The following RBFOX3 variants were observed in gnomAD, a reference collection of about 807,000 sequenced individuals.
RBFOX3 encodes the protein RNA binding fox-1 homolog 3.
A neutral mutation model predicts 48.7 loss-of-function variants in RBFOX3; 17 were observed. The observed-to-expected ratio is 0.35, with a 90% confidence interval of 0.24 to 0.52. The LOEUF is 0.52. Among genes scored for constraint, RBFOX3 ranks in the 20% least tolerant of loss-of-function variants. The pLI is 0.94. For missense variants in RBFOX3, 382 were observed against 497.5 expected (o/e 0.77, Z 2.21); for synonymous variants, 212 against 209.5 (o/e 1.01, Z -0.10).
the RBFOX3 span, among the ~76,000 whole-genome samples, chr17:79,646,054 C>T: frequency 5.9e-5 from 9 of 152,222 alleles, no homozygotes; most frequent in Non-Finnish European, 1.5e-5. Context: ...GGCCTCTCCC[C>T]CTCCACCCTT....
chr17:79,294,544 T>C (rs991496033), intron 3 of RBFOX3, among the ~76,000 whole-genome samples: 1 of 152,104 alleles, frequency 6.6e-6, no homozygotes, highest in Non-Finnish European at 1.5e-5. Context: ...ACTCCTGACC[T>C]CAAATGACCT....
rs549497699 is a variant in RBFOX3 at position 79,133,819 on chromosome 17, G to A, written c.-33-18071C>T. Among the ~76,000 whole-genome samples, 31 of 152,286 alleles carry A rather than the reference G, an allele frequency of 2.0e-4. 1 individual carries two copies. Among genetic ancestry groups the A allele is most frequent in the Middle Eastern group, 3.4e-3 (1 of 294 alleles). ...CCTCCCAGGGCCTTGTGAGGACAACGCAACAGGTCAGCTGTCAAGTGACCC... is the reference window on the plus strand; with the variant it reads ...CCTCCCAGGGCCTTGTGAGGACAACACAACAGGTCAGCTGTCAAGTGACCC... On this transcript the variant is annotated intron_variant, in intron 4 of 14. Coordinates refer to ENST00000693108, the MANE Select transcript of RBFOX3 (RefSeq NM_001350451.2).
At chr17:79,224,681 G>A (rs1600101230) in intron 4 of RBFOX3, among the ~76,000 whole-genome samples, 1 of 152,344 alleles carries the variant, frequency 6.6e-6, no homozygotes, top group Non-Finnish European at 1.5e-5. Flanking sequence ...CGTCCCTCCA[G>A]CTTCCTGGGG....
intron 2 of RBFOX3, among the ~76,000 whole-genome samples, chr17:79,452,126 T>C (rs1555742009): frequency 6.6e-6 from 1 of 152,118 alleles, no homozygotes. Context: ...CTGGAAGGCA[T>C]GGGGCAGACG....
intron 1 of RBFOX3, among the ~76,000 whole-genome samples, chr17:79,519,003 G>A (rs1401483497): frequency 4.6e-5 from 7 of 152,220 alleles, no homozygotes; most frequent in South Asian, 2.1e-4. Flanking sequence ...CGGGAGACGC[G>A]TCTTCAGGAT....
intron 3 of RBFOX3, among the ~76,000 whole-genome samples, chr17:79,240,905 C>A (rs1301851020): frequency 1.3e-5 from 2 of 152,134 alleles, no homozygotes. Context: ...ACCTCGTGAT[C>A]CACCCACCTC....
intron 4 of RBFOX3, among the ~76,000 whole-genome samples, chr17:79,166,252 A>ACC (rs11384105): frequency 1.3e-5 from 2 of 151,466 alleles, no homozygotes; most frequent in East Asian, 2.0e-4. Context: ...TCCCTCCTGC[A>ACC]CCCCCCAGCG....
the RBFOX3 span, among the ~76,000 whole-genome samples, chr17:79,649,543 G>A: frequency 1.3e-5 from 2 of 152,038 alleles, no homozygotes; most frequent in South Asian, 2.1e-4. Context: ...CCGTCTCTAC[G>A]AAAAATACAA....
the RBFOX3 span, among the ~76,000 whole-genome samples, chr17:79,642,807 T>G: frequency 6.6e-6 from 1 of 152,180 alleles, no homozygotes; most frequent in East Asian, 1.9e-4. Context: ...TCTAGCCATA[T>G]CAATAAGTAC....
intron 2 of RBFOX3, among the ~76,000 whole-genome samples, chr17:79,428,196 G>A (rs2067736725): frequency 6.6e-6 from 1 of 152,256 alleles, no homozygotes; most frequent in Non-Finnish European, 1.5e-5. Context: ...GGTGGCTCCT[G>A]GGTGTGGCAC....
At chr17:79,231,657 A>G (rs962954304) in intron 4 of RBFOX3, among the ~76,000 whole-genome samples, 3 of 152,210 alleles carry the variant, frequency 2.0e-5, no homozygotes, top group Non-Finnish European at 4.4e-5. Context: ...GCTAGCAACA[A>G]TCAATCAGAA....
intron 2 of RBFOX3, among the ~76,000 whole-genome samples, chr17:79,400,546 TATCTTAGAG>T (rs1306069565): frequency 1.3e-5 from 2 of 149,274 alleles, no homozygotes; most frequent in Non-Finnish European, 3.0e-5. Flanking sequence ...CGCTTCAACT[TATCTTAGAG>T]AGACACAGTT....
At chr17:79,393,434 T>G (rs2148245341) in intron 2 of RBFOX3, among the ~76,000 whole-genome samples, 1 of 152,350 alleles carries the variant, frequency 6.6e-6, no homozygotes, top group East Asian at 1.9e-4. Context: ...AGGGAAACGC[T>G]CTCCGTTCGT....
At chr17:79,588,786 G>A (rs989429659) in intron 1 of RBFOX3, among the ~76,000 whole-genome samples, 11 of 150,660 alleles carry the variant, frequency 7.3e-5, no homozygotes, top group Non-Finnish European at 1.3e-4. Context: ...CTTGGACCTG[G>A]GCCATATAGT....
At chr17:79,451,468 T>C (rs1003458549) in intron 2 of RBFOX3, among the ~76,000 whole-genome samples, 4 of 152,186 alleles carry the variant, frequency 2.6e-5, no homozygotes, top group African/African-American at 9.6e-5. Flanking sequence ...TGTTCAAATC[T>C]TCCCTAGAGA....
chr17:79,591,473 T>C (rs992960425), intron 1 of RBFOX3, among the ~76,000 whole-genome samples: 2 of 152,174 alleles, frequency 1.3e-5, no homozygotes, highest in African/African-American at 4.8e-5. Flanking sequence ...TACACATTTA[T>C]TGGGCACCTA....
chr17:79,472,042 G>T (rs1763855400), intron 2 of RBFOX3, among the ~76,000 whole-genome samples: 1 of 152,240 alleles, frequency 6.6e-6, no homozygotes, highest in African/African-American at 2.4e-5. Flanking sequence ...CAAAGAGGCA[G>T]CTCCATGCAC....
In RBFOX3 at chr17:79,103,804, G is replaced by T. The variant is rs1486606831; in HGVS notation, c.414+269C>A. Among the ~76,000 whole-genome samples, 1 of 152,048 alleles carries T rather than the reference G, an allele frequency of 6.6e-6. No homozygotes were observed. The highest frequency in any genetic ancestry group is 2.4e-5 in the African/African-American group (1 of 41,382). ...CCCCTGGGGTAAGTGTTCAGTGGGG[G>T]TGGGGCCCGGACCTGGGGCCCAGGG... On this transcript the variant is annotated intron_variant, in intron 7 of 14. Coordinates refer to ENST00000693108, the MANE Select transcript of RBFOX3 (RefSeq NM_001350451.2). The surrounding 1 kb of genome is among the most constrained non-coding windows in gnomAD (Gnocchi z 6.1).
chr17:79,394,949 G>C (rs1253571528), intron 2 of RBFOX3, among the ~76,000 whole-genome samples: 7 of 152,212 alleles, frequency 4.6e-5, no homozygotes, highest in African/African-American at 7.2e-5. Flanking sequence ...GCGGCAAGAC[G>C]TCAGGAGGTG....
Sources: gnomAD v4.1 joint callset for allele counts (sites outside exome capture counted in the v4.1 genomes callset) on GRCh38, gnomAD v4.1.1 for gene constraint, Gnocchi (gnomAD v3.1) non-coding constraint, MANE v1.5 for transcripts, NCBI Gene and HGNC (gene_info 2026-07-23, HGNC 2026-07-21) for gene names.